The following CAMK1D variants were observed in gnomAD, a reference collection of about 807,000 sequenced individuals.
CAMK1D encodes the protein calcium/calmodulin dependent protein kinase ID.
Under a neutral mutation model 47.7 loss-of-function variants are expected in CAMK1D, and 9 were observed. The observed-to-expected ratio is 0.19, with a 90% confidence interval of 0.11 to 0.33. The LOEUF (loss-of-function observed/expected upper bound fraction) is 0.33, where lower values mean the gene tolerates loss of function less well. CAMK1D is among the 10% of genes least tolerant of loss of function. The pLI is 1.00. For synonymous variants in CAMK1D, 184 were observed against 184.9 expected (o/e 0.99, Z 0.04); for missense variants, 291 against 488.7 (o/e 0.60, Z 3.81).
Position 12,555,204 on chromosome 10 carries a change from C to G in CAMK1D, c.224+1848C>G, listed in dbSNP as rs190061779. ...GCTCCTCACATTCTTTCTGAATAAACCGTCTCGCCCACTCCTCTCTTACTG... is the reference window on the plus strand; with the variant it reads ...GCTCCTCACATTCTTTCTGAATAAAGCGTCTCGCCCACTCCTCTCTTACTG... On this transcript the variant is annotated intron_variant, in intron 2 of 10. Transcript: ENST00000619168. 3.4e-3 allele frequency among the ~76,000 whole-genome samples: 513 copies of G among 152,272 alleles called. 19 individuals are homozygous for G. The highest frequency in any genetic ancestry group is 0.033 in the Admixed American group (502 of 15,286).
intron 1 of CAMK1D, among the ~76,000 whole-genome samples, chr10:12,478,355 G>A (rs1833964285): frequency 6.6e-6 from 1 of 152,078 alleles, no homozygotes; most frequent in African/African-American, 2.4e-5. Context: ...CCAGGCTAGA[G>A]TGTTGGTGTG....
chr10:12,705,073 G>A (rs1241920893), intron 3 of CAMK1D, among the ~76,000 whole-genome samples: 1 of 152,156 alleles, frequency 6.6e-6, no homozygotes, highest in Non-Finnish European at 1.5e-5. Context: ...TAGACTGTAG[G>A]TTTCTTCATG....
rs183111850 is a variant in CAMK1D at position 12,746,295 on chromosome 10, C to T, written c.300-14653C>T. On this transcript the variant is annotated intron_variant, in intron 3 of 10. Transcript: ENST00000619168. ...AGGAGAATGGCGTGAACCCGGGAGGCGGAGCTTGCAGTGAGCCCAGATCTC... is the reference window on the plus strand; with the variant it reads ...AGGAGAATGGCGTGAACCCGGGAGGTGGAGCTTGCAGTGAGCCCAGATCTC... 3.6e-3 allele frequency among the ~76,000 whole-genome samples: 533 copies of T among 147,492 alleles called. 3 individuals are homozygous for T. Among genetic ancestry groups the T allele is most frequent in the Non-Finnish European group, 4.1e-3 (275 of 67,502 alleles).
At chr10:12,749,825 A>G (rs1490494177) in intron 3 of CAMK1D, among the ~76,000 whole-genome samples, 2 of 138,470 alleles carry the variant, frequency 1.4e-5, no homozygotes, top group African/African-American at 6.2e-5. Flanking sequence ...CCTGACTGCA[A>G]ATGATCCGCC....
chr10:12,579,271 T>C (rs1356724536), intron 2 of CAMK1D, among the ~76,000 whole-genome samples: 1 of 152,210 alleles, frequency 6.6e-6, no homozygotes, highest in Non-Finnish European at 1.5e-5. Flanking sequence ...TACAGAGTCC[T>C]GCATAGCATT....
intron 1 of CAMK1D, among the ~76,000 whole-genome samples, chr10:12,477,140 G>A (rs888638653): frequency 2.6e-5 from 4 of 152,168 alleles, no homozygotes; most frequent in Non-Finnish European, 5.9e-5. Flanking sequence ...TCCTGGCTAG[G>A]TGCGGTGGCT....
intron 3 of CAMK1D, among the ~76,000 whole-genome samples, chr10:12,727,829 G>A (rs1325793178): frequency 1.3e-5 from 2 of 150,072 alleles, no homozygotes; most frequent in African/African-American, 4.9e-5. Context: ...AGGGGCGCGC[G>A]ATCTCAGTTT....
chr10:12,814,451 C>A, intron 7 of CAMK1D, 144 bp downstream of exon 7: 1 of 543,950 alleles, frequency 1.8e-6, no homozygotes, highest in Non-Finnish European at 3.3e-6. Flanking sequence ...TAACAAGATA[C>A]CATAGACTGG....
At chr10:12,789,282 ATTC>A (rs145314829) in intron 5 of CAMK1D, among the ~76,000 whole-genome samples, 11,632 of 152,208 alleles carry the variant, frequency 0.076, 1,441 homozygotes, top group African/African-American at 0.26. Context: ...GCCCAAGACA[ATTC>A]TTCTTCTTCC....
In CAMK1D at chr10:12,553,343, G is replaced by A. The variant is rs1227393204; in HGVS notation, c.211G>A (p.Ala71Thr). The change falls in exon 2 of 11, where the codon GCC (alanine) becomes ACC (threonine). Residue 71 changes from alanine (A) to threonine (T), a missense_variant. This residue lies in a region of CAMK1D where 219 missense variants were observed against 424.3 expected (regional missense o/e 0.52). Transcript: ENST00000619168. ...GKESSIENEI[A>T]VLRKIKHENI... ...GGAAAGCAGCATAGAGAATGAGATA[G>A]CCGTCCTGAGAAAGTAAGTGCTGGA... 6.2e-7 allele frequency: 1 copy of A among 1,613,090 alleles called. No homozygotes were observed. Among genetic ancestry groups the A allele is most frequent in the Non-Finnish European group, 8.5e-7 (1 of 1,179,082 alleles).
chr10:12,419,640 G>GCACACACACACACACACA (rs111807347), intron 1 of CAMK1D, among the ~76,000 whole-genome samples: 56 of 147,188 alleles, frequency 3.8e-4, no homozygotes, highest in South Asian at 2.4e-3. Flanking sequence ...AAGAGAAAAT[G>GCACACACACACACACACA]CACACACACA....
chr10:12,758,383 A>G (rs924429088), intron 3 of CAMK1D, among the ~76,000 whole-genome samples: 2 of 152,130 alleles, frequency 1.3e-5, no homozygotes, highest in South Asian at 2.1e-4. Flanking sequence ...TGACAATATC[A>G]TATTGTCATA....
At chr10:12,514,206 C>T (rs1257384337) in intron 1 of CAMK1D, among the ~76,000 whole-genome samples, 2 of 152,154 alleles carry the variant, frequency 1.3e-5, no homozygotes, top group Non-Finnish European at 2.9e-5. Context: ...TCGCTGCTTC[C>T]ACTATGAGGC....
intron 2 of CAMK1D, among the ~76,000 whole-genome samples, chr10:12,652,574 C>T (rs183061854): frequency 2.0e-4 from 31 of 151,398 alleles, no homozygotes; most frequent in African/African-American, 5.8e-4. Context: ...GGCGACAGAG[C>T]GAGACTCCAT....
At chr10:12,758,425 C>A (rs1216022141) in intron 3 of CAMK1D, among the ~76,000 whole-genome samples, 5 of 152,122 alleles carry the variant, frequency 3.3e-5, no homozygotes, top group African/African-American at 1.2e-4. Context: ...AAACTTTCCC[C>A]TTGTGCCTCG....
Sources: gnomAD v4.1 joint callset for allele counts (sites outside exome capture counted in the v4.1 genomes callset) on GRCh38, gnomAD v4.1.1 for gene constraint, gnomAD v4.1.1 regional missense constraint, MANE v1.5 for transcripts, NCBI Gene and HGNC (gene_info 2026-07-23, HGNC 2026-07-21) for gene names.